Variants in ESRRB observed in about 807,000 individuals in gnomAD.
ESRRB encodes estrogen related receptor beta.
ESRRB carries 16 observed loss-of-function variants against 46.0 expected under a neutral mutation model. That is an observed-to-expected ratio of 0.35 (90% confidence interval 0.24 to 0.53). ESRRB has a LOEUF of 0.53. Among genes scored for constraint, ESRRB ranks in the 20% least tolerant of loss-of-function variants. The pLI, the probability that ESRRB is intolerant of heterozygous loss-of-function variation, is 0.93. For missense variants in ESRRB, 488 were observed against 607.4 expected, an observed-to-expected ratio of 0.80 and a Z score of 2.07; for synonymous variants, 246 against 259.6, an observed-to-expected ratio of 0.95 and a Z score of 0.50.
chr14:76,370,585 C>T (rs927675580), upstream of ESRRB, among the ~76,000 whole-genome samples: 2 of 152,228 alleles, frequency 1.3e-5, no homozygotes, highest in Admixed American at 1.3e-4. Context: ...TCTTAGCTAC[C>T]AGGTACTATC....
At chr14:76,476,410 G>T (rs1438333668) in intron 3 of ESRRB, among the ~76,000 whole-genome samples, 2 of 152,122 alleles carry the variant, frequency 1.3e-5, no homozygotes, top group Non-Finnish European at 1.5e-5. Context: ...GACAGTAATT[G>T]TAAGTTAATT....
Position 76,490,014 on chromosome 14 carries a change from C to T in ESRRB, c.851-1433C>T, listed in dbSNP as rs72731683. ...GCACTGTACATGCATCTTCTCTTTT[C>T]GCCCCCACAGCACCCCACATCAGAA... On this transcript the variant is annotated intron_variant, in intron 5 of 6. Transcript: ENST00000644823. 3.3e-3 allele frequency among the ~76,000 whole-genome samples: 506 copies of T among 152,320 alleles called. 3 individuals are homozygous for T. The highest frequency in any genetic ancestry group is 4.8e-3 in the Non-Finnish European group (325 of 68,034).
upstream of ESRRB, among the ~76,000 whole-genome samples, chr14:76,369,112 G>T (rs569227568): frequency 3.3e-5 from 5 of 150,582 alleles, no homozygotes; most frequent in Non-Finnish European, 5.9e-5. Flanking sequence ...CAGGAGAATC[G>T]CTTGAACCAG....
intron 5 of ESRRB, among the ~76,000 whole-genome samples, chr14:76,490,825 C>T (rs1474290632): frequency 6.6e-6 from 1 of 152,196 alleles, no homozygotes; most frequent in Non-Finnish European, 1.5e-5. Flanking sequence ...CCTGGGAGAG[C>T]AGGCTGTCCT....
At chr14:76,350,309 T>C (rs1172347001) in intron 1 of ESRRB, among the ~76,000 whole-genome samples, 1 of 152,192 alleles carries the variant, frequency 6.6e-6, no homozygotes, top group Non-Finnish European at 1.5e-5. Context: ...CTTCCTTTGA[T>C]CATAGAAAAC....
chr14:76,409,742 A>G (rs1886353010), intron 1 of ESRRB, among the ~76,000 whole-genome samples: 1 of 151,978 alleles, frequency 6.6e-6, no homozygotes, highest in Non-Finnish European at 1.5e-5. Context: ...ACATTAGCCA[A>G]ACAAGCTGAG....
chr14:76,397,107 T>A (rs1363009963), intron 1 of ESRRB, among the ~76,000 whole-genome samples: 1 of 152,268 alleles, frequency 6.6e-6, no homozygotes, highest in African/African-American at 2.4e-5. Flanking sequence ...TCTGTGTGTC[T>A]TCTGACACCA....
chr14:76,457,864 G>A (rs764362218), intron 2 of ESRRB, among the ~76,000 whole-genome samples: 4 of 152,004 alleles, frequency 2.6e-5, no homozygotes, highest in East Asian at 3.9e-4. Flanking sequence ...TGGTAGAGAC[G>A]GGGTTTCACC....
intron 1 of ESRRB, among the ~76,000 whole-genome samples, chr14:76,400,434 T>C (rs1473864192): frequency 1.3e-5 from 2 of 152,234 alleles, no homozygotes; most frequent in African/African-American, 4.8e-5. Flanking sequence ...CCGGAAGCCT[T>C]CCAAAAGGAA....
chr14:76,469,929 G>GTTTTTTTTTTTTTCTTT (rs1889295075), intron 3 of ESRRB, among the ~76,000 whole-genome samples: 1 of 78,750 alleles, frequency 1.3e-5, no homozygotes, highest in Non-Finnish European at 2.8e-5. Context: ...GTTTTTTGTT[G>GTTTTTTTTTTTTTCTTT]TTTTTTTTTT....
At chr14:76,467,576 T>G (rs531813400) in intron 3 of ESRRB, among the ~76,000 whole-genome samples, 1 of 151,962 alleles carries the variant, frequency 6.6e-6, no homozygotes, top group South Asian at 2.1e-4. Flanking sequence ...TTCATCAGTC[T>G]GCCCCTTGTG....
chr14:76,330,754 A>G (rs1884004128), intron 1 of ESRRB, among the ~76,000 whole-genome samples: 1 of 152,176 alleles, frequency 6.6e-6, no homozygotes, highest in Admixed American at 6.5e-5. Flanking sequence ...AAACCTTGTG[A>G]GCAAAGGCTC....
intron 1 of ESRRB, among the ~76,000 whole-genome samples, chr14:76,408,324 A>G (rs540025633): frequency 1.3e-5 from 2 of 152,138 alleles, no homozygotes; most frequent in Non-Finnish European, 2.9e-5. Flanking sequence ...CACGCCTGTA[A>G]TCCCAACATC....
At chr14:76,492,605 G>A (rs1890273530) in intron 6 of ESRRB, among the ~76,000 whole-genome samples, 1 of 152,214 alleles carries the variant, frequency 6.6e-6, no homozygotes, top group Non-Finnish European at 1.5e-5. Flanking sequence ...GGGTCACACA[G>A]TTAAAAAGTG....
chr14:76,479,068 C>T (rs1889697190), intron 3 of ESRRB, among the ~76,000 whole-genome samples: 1 of 152,184 alleles, frequency 6.6e-6, no homozygotes, highest in Non-Finnish European at 1.5e-5. Flanking sequence ...CCGTGCAAAT[C>T]ACCTTGTCTG....
intron 1 of ESRRB, among the ~76,000 whole-genome samples, chr14:76,323,837 T>G (rs886224246): frequency 6.6e-6 from 1 of 152,174 alleles, no homozygotes. Flanking sequence ...TGCTGTTCTC[T>G]CTGGTTTCTG....
intron 5 of ESRRB, among the ~76,000 whole-genome samples, chr14:76,486,886 C>T (rs1890043309): frequency 1.3e-5 from 2 of 152,208 alleles, no homozygotes; most frequent in Admixed American, 1.3e-4. Flanking sequence ...GAATGAGACC[C>T]AGCCCAGCTG....
intron 1 of ESRRB, among the ~76,000 whole-genome samples, chr14:76,393,973 T>C (rs1010735967): frequency 1.6e-5 from 2 of 123,748 alleles, no homozygotes; most frequent in African/African-American, 2.7e-5. Context: ...GCTAATTTTT[T>C]TTTTTTTTTT....
At chr14:76,452,490 G>A (rs1285725928) in intron 2 of ESRRB, among the ~76,000 whole-genome samples, 5 of 151,678 alleles carry the variant, frequency 3.3e-5, no homozygotes, top group Admixed American at 6.6e-5. Context: ...AGCCAGGCGT[G>A]GTGGCTATAA....
Sources: allele counts gnomAD v4.1 joint callset (sites outside exome capture counted in the v4.1 genomes callset), GRCh38; gene constraint gnomAD v4.1.1; transcripts MANE v1.5; gene names NCBI Gene and HGNC (gene_info 2026-07-23, HGNC 2026-07-21).